The following SHISA6 variants were observed in gnomAD, a reference collection of about 807,000 sequenced individuals.
The protein encoded by SHISA6 is shisa family member 6.
Under a neutral mutation model 47.9 loss-of-function variants are expected in SHISA6, and 22 were observed. That is an observed-to-expected ratio of 0.46 (90% confidence interval 0.33 to 0.66). SHISA6 has a LOEUF of 0.66. Among genes scored for constraint, SHISA6 ranks in the 30% least tolerant of loss-of-function variants. The probability of loss-of-function intolerance (pLI) is 0.02; values close to 1 mark genes in which losing one functional copy is unlikely to be tolerated. For synonymous variants in SHISA6, 388 were observed against 337.8 expected (o/e 1.15, Z -1.63); for missense variants, 680 against 764.6 (o/e 0.89, Z 1.30).
At chr17:11,383,718 G>A (rs1276664606) in intron 3 of SHISA6, among the ~76,000 whole-genome samples, 1 of 152,036 alleles carries the variant, frequency 6.6e-6, no homozygotes, top group Non-Finnish European at 1.5e-5. Context: ...CTCCTTCTAA[G>A]TACCTGCTTC....
In SHISA6 at chr17:11,356,574, G is replaced by A. The variant is rs553802051; in HGVS notation, c.800-22840G>A. ...AAGCCTCCTCCCTTGACTGACAGCTGTGGAGGAGTCACACTCCATCTGCTT... is the reference window on the plus strand; with the variant it reads ...AAGCCTCCTCCCTTGACTGACAGCTATGGAGGAGTCACACTCCATCTGCTT... On this transcript the variant is annotated intron_variant, in intron 2 of 5. Coordinates refer to ENST00000441885, the MANE Select transcript of SHISA6 (RefSeq NM_207386.4). Among the ~76,000 whole-genome samples, 4 of 152,286 alleles carry A rather than the reference G, an allele frequency of 2.6e-5. No individual in the cohort carries two copies. In the South Asian group the frequency reaches 6.2e-4, roughly 24 times the overall value.
chr17:11,439,350 C>G (rs995285745), intron 3 of SHISA6, among the ~76,000 whole-genome samples: 1 of 152,188 alleles, frequency 6.6e-6, no homozygotes, highest in African/African-American at 2.4e-5. Context: ...GCAGTTGTCA[C>G]AGGGGCCAGC....
chr17:11,253,960 A>C (rs1458761249), intron 1 of SHISA6, among the ~76,000 whole-genome samples: 1 of 152,154 alleles, frequency 6.6e-6, no homozygotes, highest in East Asian at 1.9e-4. Flanking sequence ...CAGTGGCCTA[A>C]GGACTCTTGC....
intron 3 of SHISA6, among the ~76,000 whole-genome samples, chr17:11,491,775 T>TTGTG (rs1281916297): frequency 7.0e-6 from 1 of 142,752 alleles, no homozygotes; most frequent in African/African-American, 2.5e-5. Context: ...GAAGTGTTTT[T>TTGTG]TTTTTTTTTT....
intron 1 of SHISA6, among the ~76,000 whole-genome samples, chr17:11,261,798 T>G (rs1202069302): frequency 6.6e-6 from 1 of 152,240 alleles, no homozygotes; most frequent in African/African-American, 2.4e-5. Context: ...GCAACATATA[T>G]TTTTCATTGT....
chr17:11,329,431 G>A (rs1229238112), intron 2 of SHISA6, among the ~76,000 whole-genome samples: 1 of 152,156 alleles, frequency 6.6e-6, no homozygotes, highest in Non-Finnish European at 1.5e-5. Flanking sequence ...ACTGTCCGTG[G>A]ATAAGCATAG....
intron 3 of SHISA6, among the ~76,000 whole-genome samples, chr17:11,510,360 G>A (rs1230822100): frequency 6.6e-6 from 1 of 152,094 alleles, no homozygotes; most frequent in African/African-American, 2.4e-5. Context: ...CCTGGGTAGG[G>A]GGAGAAGAAC....
At chr17:11,433,272 C>T (rs1241186898) in intron 3 of SHISA6, among the ~76,000 whole-genome samples, 2 of 152,104 alleles carry the variant, frequency 1.3e-5, no homozygotes, top group African/African-American at 4.8e-5. Context: ...GTGATGTTCC[C>T]CTCCCTGTGT....
chr17:11,248,352 T>C (rs1383615930), intron 1 of SHISA6, among the ~76,000 whole-genome samples: 1 of 152,172 alleles, frequency 6.6e-6, no homozygotes, highest in East Asian at 1.9e-4. Flanking sequence ...GTTACCTAGT[T>C]TTACAAGTGA....
In SHISA6 at chr17:11,557,888, A is replaced by C; in HGVS notation, c.1240A>C (p.Ile414Leu). 1 of 1,551,566 alleles carries C rather than the reference A, an allele frequency of 6.4e-7. No homozygotes were observed. The highest frequency in any genetic ancestry group is 8.7e-7 in the Non-Finnish European group (1 of 1,147,004). The change falls in exon 6 of 6, where the codon ATC (isoleucine) becomes CTC (leucine). Residue 414 changes from isoleucine (I) to leucine (L), a missense_variant. This residue lies in a region of SHISA6 where 559 missense variants were observed against 674.1 expected (regional missense o/e 0.83). Transcript: ENST00000441885. ...PLPRERPRRP[I>L]RAMSQDRVLS... is the part of the protein sequence containing the mutation. ...GCCAAGGGAACGACCCCGCCGGCCCATCCGGGCCATGTCCCAGGACAGGGT... is the reference window on the plus strand; with the variant it reads ...GCCAAGGGAACGACCCCGCCGGCCCCTCCGGGCCATGTCCCAGGACAGGGT...
intron 1 of SHISA6, among the ~76,000 whole-genome samples, chr17:11,247,847 T>C (rs934794194): frequency 6.6e-6 from 1 of 151,432 alleles, no homozygotes; most frequent in African/African-American, 2.4e-5. Flanking sequence ...CAATGTCTGC[T>C]CACTGCAACT....
intron 3 of SHISA6, among the ~76,000 whole-genome samples, chr17:11,409,703 CAAA>C (rs35351476): frequency 2.4e-4 from 20 of 82,150 alleles, no homozygotes; most frequent in African/African-American, 4.9e-4. Flanking sequence ...GACTCCATCT[CAAA>C]AAAAAAAAAA....
At chr17:11,461,975 C>A (rs1409692779) in intron 3 of SHISA6, among the ~76,000 whole-genome samples, 1 of 152,098 alleles carries the variant, frequency 6.6e-6, no homozygotes, top group African/African-American at 2.4e-5. Flanking sequence ...TTTCCAAGGG[C>A]AAATATGGGC....
chr17:11,388,830 ATATATATATATT>A (rs1913290732), intron 3 of SHISA6, among the ~76,000 whole-genome samples: 3 of 96,040 alleles, frequency 3.1e-5, no homozygotes, highest in Non-Finnish European at 6.4e-5. Context: ...ATATATATAT[ATATATATATATT>A]TTAAAAAAGG....
chr17:11,385,249 G>A (rs1913154290), intron 3 of SHISA6, among the ~76,000 whole-genome samples: 3 of 152,240 alleles, frequency 2.0e-5, no homozygotes, highest in Admixed American at 6.5e-5. Context: ...CTGGATTCCC[G>A]GGGAGAAGGG....
chr17:11,423,750 A>G (rs1255805130), intron 3 of SHISA6, among the ~76,000 whole-genome samples: 1 of 152,134 alleles, frequency 6.6e-6, no homozygotes, highest in Non-Finnish European at 1.5e-5. Context: ...CTGAAAAGGA[A>G]CATAAAAAGT....
intron 3 of SHISA6, among the ~76,000 whole-genome samples, chr17:11,491,268 A>G (rs1439277040): frequency 6.6e-6 from 1 of 152,224 alleles, no homozygotes; most frequent in East Asian, 1.9e-4. Flanking sequence ...GATTTTGCCA[A>G]TAAGAGTTGG....
chr17:11,358,480 C>T (rs1912146707), intron 2 of SHISA6, among the ~76,000 whole-genome samples: 1 of 151,634 alleles, frequency 6.6e-6, no homozygotes, highest in African/African-American at 2.4e-5. Context: ...CTGCCTCAGC[C>T]TCCCGAGTAG....
At chr17:11,275,329 A>G (rs1169884266) in intron 2 of SHISA6, among the ~76,000 whole-genome samples, 3 of 152,090 alleles carry the variant, frequency 2.0e-5, no homozygotes, top group African/African-American at 4.8e-5. Flanking sequence ...GGGGGCCTAC[A>G]GTGAGAAACC....
Sources: allele counts gnomAD v4.1 joint callset (sites outside exome capture counted in the v4.1 genomes callset), GRCh38; gene constraint gnomAD v4.1.1; regional missense constraint gnomAD v4.1.1; transcripts MANE v1.5; gene names NCBI Gene and HGNC (gene_info 2026-07-23, HGNC 2026-07-21).